The following GPR158 variants were observed in gnomAD, a reference collection of about 807,000 sequenced individuals.
GPR158 encodes G protein-coupled receptor 158.
GPR158 carries 30 observed loss-of-function variants against 78.2 expected under a neutral mutation model. That is an observed-to-expected ratio of 0.38 (90% CI 0.29 to 0.52). GPR158 has a LOEUF of 0.52. Ranked by LOEUF, GPR158 falls within the 20% of genes least tolerant of loss-of-function variation. GPR158 has a pLI of 0.83. For synonymous variants in GPR158, 581 were observed against 591.1 expected, an observed-to-expected ratio of 0.98 and a Z score of 0.25; for missense variants, 1,463 against 1,523.5, an observed-to-expected ratio of 0.96 and a Z score of 0.66.
At chr10:25,461,955 T>C in intron 4 of GPR158, among the ~76,000 whole-genome samples, 1 of 151,950 alleles carries the variant, frequency 6.6e-6, no homozygotes, top group Non-Finnish European at 1.5e-5. Flanking sequence ...TTAGCCAGGA[T>C]GGTCTCGATC....
intron 4 of GPR158, among the ~76,000 whole-genome samples, chr10:25,435,716 A>G (rs1292779591): frequency 6.6e-6 from 1 of 152,238 alleles, no homozygotes; most frequent in Non-Finnish European, 1.5e-5. Context: ...GATCTCATTT[A>G]TAGGTGGTCC....
chr10:25,333,637 A>G (rs1410910172), intron 2 of GPR158, among the ~76,000 whole-genome samples: 1 of 152,150 alleles, frequency 6.6e-6, no homozygotes, highest in Non-Finnish European at 1.5e-5. Flanking sequence ...TTGAAAATAG[A>G]TTTTTATTCA....
intron 5 of GPR158, among the ~76,000 whole-genome samples, chr10:25,507,910 C>CATAAAA (rs1158739100): frequency 2.6e-5 from 4 of 152,096 alleles, no homozygotes; most frequent in Admixed American, 6.5e-5. Flanking sequence ...AGTTATATTC[C>CATAAAA]ATAAAATGTA....
chr10:25,231,219 T>A (rs1410766340), intron 2 of GPR158, among the ~76,000 whole-genome samples: 1 of 152,182 alleles, frequency 6.6e-6, no homozygotes, highest in Non-Finnish European at 1.5e-5. Flanking sequence ...TAAGCACTTT[T>A]AGGTTGTTAA....
chr10:25,281,698 T>C (rs1462809221), intron 2 of GPR158, among the ~76,000 whole-genome samples: 1 of 151,996 alleles, frequency 6.6e-6, no homozygotes, highest in African/African-American at 2.4e-5. Context: ...CAATGAAGTA[T>C]GTAACTAACA....
chr10:25,279,436 C>G (rs575738968), intron 2 of GPR158, among the ~76,000 whole-genome samples: 1 of 151,680 alleles, frequency 6.6e-6, no homozygotes, highest in African/African-American at 2.4e-5. Context: ...GTGCACAGAC[C>G]GAGTCCAATG....
At chr10:25,513,101 G>A (rs1261118910) in intron 5 of GPR158, among the ~76,000 whole-genome samples, 1 of 151,674 alleles carries the variant, frequency 6.6e-6, no homozygotes, top group East Asian at 1.9e-4. Flanking sequence ...GTGTCAATAG[G>A]ATCAATTGGT....
At chr10:25,178,868 T>C (rs1397305678) in intron 1 of GPR158, among the ~76,000 whole-genome samples, 2 of 152,254 alleles carry the variant, frequency 1.3e-5, no homozygotes, top group Non-Finnish European at 2.9e-5. Context: ...ATCAAGTTTG[T>C]AGCAACAACA....
intron 2 of GPR158, among the ~76,000 whole-genome samples, chr10:25,230,639 T>C (rs1301221473): frequency 6.6e-6 from 1 of 152,224 alleles, no homozygotes; most frequent in Non-Finnish European, 1.5e-5. Flanking sequence ...ATATTTTTAC[T>C]TTTTCTCAAG....
intron 2 of GPR158, among the ~76,000 whole-genome samples, chr10:25,354,140 G>T (rs1424859890): frequency 6.6e-6 from 1 of 151,926 alleles, no homozygotes; most frequent in Non-Finnish European, 1.5e-5. Context: ...GATCACCTAA[G>T]GTCAGGAGTT....
At chr10:25,186,524 A>T (rs1340373325) in intron 1 of GPR158, among the ~76,000 whole-genome samples, 7 of 152,228 alleles carry the variant, frequency 4.6e-5, no homozygotes, top group African/African-American at 1.7e-4. Flanking sequence ...GACACAATAA[A>T]AAATGATAAA....
At chr10:25,497,040 T>C (rs1205948183) in intron 5 of GPR158, among the ~76,000 whole-genome samples, 1 of 152,078 alleles carries the variant, frequency 6.6e-6, no homozygotes, top group East Asian at 1.9e-4. Flanking sequence ...TGAGGAAAAG[T>C]ATCCCAGTGA....
chr10:25,241,189 C>CT (rs1364067292), intron 2 of GPR158, among the ~76,000 whole-genome samples: 3 of 56,078 alleles, frequency 5.3e-5, no homozygotes, highest in Non-Finnish European at 1.1e-4. Flanking sequence ...TTCTTTCTTT[C>CT]CTTTCTTTCT....
chr10:25,418,555 A>G (rs1834696479), intron 4 of GPR158, among the ~76,000 whole-genome samples: 1 of 151,940 alleles, frequency 6.6e-6, no homozygotes, highest in Non-Finnish European at 1.5e-5. Context: ...TATTTTAAAG[A>G]GCCTGAATAT....
intron 1 of GPR158, among the ~76,000 whole-genome samples, chr10:25,213,904 C>T (rs1209135509): frequency 6.6e-6 from 1 of 152,064 alleles, no homozygotes; most frequent in East Asian, 1.9e-4. Flanking sequence ...GCTTTTTAAA[C>T]ATTCCTTTTT....
chr10:25,250,532 C>G, intron 2 of GPR158, among the ~76,000 whole-genome samples: 1 of 146,048 alleles, frequency 6.8e-6, no homozygotes, highest in South Asian at 2.2e-4. Flanking sequence ...TCGTTGGTTT[C>G]AAAGAACATC....
intron 4 of GPR158, among the ~76,000 whole-genome samples, chr10:25,445,048 G>A (rs539911149): frequency 6.6e-6 from 1 of 152,154 alleles, no homozygotes; most frequent in Non-Finnish European, 1.5e-5. Flanking sequence ...TTGAAATGGA[G>A]ATGGAATATA....
rs1469747905 is a variant in GPR158 at position 25,307,663 on chromosome 10, C to G, written c.1008+86506C>G. On this transcript the variant is annotated intron_variant, in intron 2 of 10. Transcript: ENST00000376351. ...GTGCTGGGATTACAGGCATGAGCCA[C>G]CATACCTGTCCCATTTGAATATTCT... Among the ~76,000 whole-genome samples, 3 of 152,252 alleles carry G rather than the reference C, an allele frequency of 2.0e-5. No homozygotes were observed. The South Asian group carries it at 6.2e-4, about 32-fold the overall frequency.
At chr10:25,520,966 C>T (rs941331085) in intron 5 of GPR158, among the ~76,000 whole-genome samples, 45 of 152,200 alleles carry the variant, frequency 3.0e-4, no homozygotes, top group African/African-American at 8.9e-4. Context: ...CCCCCAGCCT[C>T]GCTGGCGCCT....
Sources: gnomAD v4.1 joint callset for allele counts (sites outside exome capture counted in the v4.1 genomes callset) on GRCh38, gnomAD v4.1.1 for gene constraint, MANE v1.5 for transcripts, NCBI Gene and HGNC (gene_info 2026-07-23, HGNC 2026-07-21) for gene names.